The following ZNF560 variants were observed in gnomAD, a reference collection of about 807,000 sequenced individuals.
ZNF560 encodes zinc finger protein 560.
In ZNF560, 54 loss-of-function variants were observed where a neutral mutation model predicts 81.8. The ratio of observed to expected loss-of-function variants is 0.66; its 90% CI spans 0.53 to 0.83. The LOEUF is 0.83. Among genes scored for constraint, ZNF560 ranks in the 40% least tolerant of loss-of-function variants. ZNF560 has a pLI of 0.00. For synonymous variants in ZNF560, 321 were observed against 317.9 expected (o/e 1.01, Z -0.10); for missense variants, 940 against 932.4 (o/e 1.01, Z -0.11).
intron 7 of ZNF560, 132 bp downstream of exon 7, chr19:9,470,260 T>TA (rs201026789): frequency 9.0e-5 from 104 of 1,155,040 alleles, no homozygotes; most frequent in South Asian, 1.2e-4. Context: ...TTTTACTCAT[T>TA]AAAAAAAATT....
rs886984478 is a variant in ZNF560 at position 9,467,355 on chromosome 19, A to T, written c.1592T>A (p.Leu531His). 1 of 1,614,176 alleles carries T rather than the reference A, an allele frequency of 6.2e-7. No homozygotes were observed. The highest frequency in any genetic ancestry group is 1.7e-5 in the Admixed American group (1 of 60,018). ...TGTGTGAGTTCGCATGTGAATACGA[A>T]GACAGGCAGAAGAGGTAAATGGTTT... is the stretch of plus-strand genomic sequence containing the variant. ...CGKPFTSSACLRIHMRTHTEE... is the reference protein window; with the variant it reads ...CGKPFTSSACHRIHMRTHTEE... The change falls in exon 10 of 10, where the codon CTT becomes CAT. Residue 531 changes from leucine (L) to histidine (H), a missense_variant. Leu to His is a moderately conservative substitution (Grantham distance 99). Coordinates refer to ENST00000301480, the MANE Select transcript of ZNF560 (RefSeq NM_152476.3).
intron 2 of ZNF560, among the ~76,000 whole-genome samples, chr19:9,497,115 C>CA: frequency 1.4e-5 from 2 of 145,690 alleles, no homozygotes; most frequent in East Asian, 4.0e-4. Context: ...CATCCTGCCT[C>CA]AAAAAAACTC....
At chr19:9,496,998 G>C (rs187772777) in intron 2 of ZNF560, among the ~76,000 whole-genome samples, 1 of 151,836 alleles carries the variant, frequency 6.6e-6, no homozygotes, top group Non-Finnish European at 1.5e-5. Context: ...AGGACAGTAC[G>C]TTAAGTGAAA....
chr19:9,476,192 G>A (rs1020556950), intron 2 of ZNF560, among the ~76,000 whole-genome samples: 4 of 152,088 alleles, frequency 2.6e-5, no homozygotes, highest in Non-Finnish European at 5.9e-5. Flanking sequence ...ACATGTCAAG[G>A]GCAGAACCAG....
At chr19:9,461,517 G>A (rs899535140), downstream of ZNF560, among the ~76,000 whole-genome samples, 1 of 152,142 alleles carries the variant, frequency 6.6e-6, no homozygotes, top group Non-Finnish European at 1.5e-5. Flanking sequence ...AGCTACTGCT[G>A]CAGTAGCTGG....
upstream of ZNF560, among the ~76,000 whole-genome samples, chr19:9,503,066 C>A (rs1214659583): frequency 6.6e-6 from 1 of 151,938 alleles, no homozygotes; most frequent in African/African-American, 2.4e-5. Flanking sequence ...CTATAAATTT[C>A]CTACTGAGGC....
In ZNF560 at chr19:9,475,369, C is replaced by G. The variant is rs949019960; in HGVS notation, c.-56G>C. 1.6e-5 allele frequency: 25 copies of G among 1,582,696 alleles called. No individual in the cohort carries two copies. Among genetic ancestry groups the G allele is most frequent in the Non-Finnish European group, 6.9e-6 (8 of 1,155,170 alleles). On this transcript the variant is annotated splice_region_variant and 5_prime_UTR_variant, in exon 3 of 10. Transcript: ENST00000301480. ...AAGGCAGATTGGGTTCCTAGAAAGA[C>G]CTGGAAAAGAAAGAAGGCATAAGAG...
chr19:9,472,290 T>C (rs534484420), intron 5 of ZNF560, among the ~76,000 whole-genome samples: 1 of 152,200 alleles, frequency 6.6e-6, no homozygotes, highest in South Asian at 2.1e-4. Context: ...ATAAGTGAGT[T>C]CTTGTTCTGA....
chr19:9,490,389 C>A (rs951684132), intron 2 of ZNF560, among the ~76,000 whole-genome samples: 2 of 152,162 alleles, frequency 1.3e-5, no homozygotes, highest in Non-Finnish European at 2.9e-5. Flanking sequence ...GAGGCCACAT[C>A]GAATGTCAAG....
At chr19:9,464,392 A>G (rs1334196176), downstream of ZNF560, among the ~76,000 whole-genome samples, 1 of 152,188 alleles carries the variant, frequency 6.6e-6, no homozygotes, top group East Asian at 1.9e-4. Flanking sequence ...ACCTCTCTGC[A>G]CTGCCTGATA....
chr19:9,446,289 G>T, the ZNF560 span, among the ~76,000 whole-genome samples: 1 of 150,832 alleles, frequency 6.6e-6, no homozygotes, highest in Admixed American at 6.6e-5. Flanking sequence ...TGTCCAGGTG[G>T]GACATTCAGT....
rs1011161017 is a variant in ZNF560 at position 9,466,403 on chromosome 19, G to T, written c.*171C>A. ...TTCCTACATCCCTTACATTTACAGG[G>T]TTTCTCTACAGTGTGAGTTTGTACA... On this transcript the variant is annotated 3_prime_UTR_variant, in exon 10 of 10. Transcript: ENST00000301480. 3 of 588,698 alleles carry T rather than the reference G, an allele frequency of 5.1e-6. No individual in the cohort carries two copies. Among genetic ancestry groups the T allele is most frequent in the Non-Finnish European group, 8.6e-6 (3 of 346,984 alleles). 36.5% of individuals were successfully genotyped at this position (588,698 alleles called of 1,614,324 possible).
chr19:9,461,700 G>A (rs2072933878), downstream of ZNF560, among the ~76,000 whole-genome samples: 1 of 152,138 alleles, frequency 6.6e-6, no homozygotes, highest in Non-Finnish European at 1.5e-5. Flanking sequence ...TTGGAATATG[G>A]AATGCAGCTG....
At chr19:9,465,683 C>T (rs2073003890), downstream of ZNF560, among the ~76,000 whole-genome samples, 1 of 152,152 alleles carries the variant, frequency 6.6e-6, no homozygotes, top group Non-Finnish European at 1.5e-5. Context: ...AAGGATTTTC[C>T]TCATTCCTTA....
chr19:9,457,673 G>A, the ZNF560 span, among the ~76,000 whole-genome samples: 1 of 152,108 alleles, frequency 6.6e-6, no homozygotes, highest in Non-Finnish European at 1.5e-5. Context: ...ACGTCTACTT[G>A]GGGGCCTTAG....
chr19:9,475,242 T>C, intron 3 of ZNF560, 42 bp downstream of exon 3: 5 of 1,608,118 alleles, frequency 3.1e-6, no homozygotes, highest in Non-Finnish European at 4.3e-6. Context: ...TACCTGGTGA[T>C]GCAAGTATGT....
intron 2 of ZNF560, among the ~76,000 whole-genome samples, chr19:9,492,171 T>G (rs988199039): frequency 8.0e-5 from 12 of 150,724 alleles, no homozygotes. Context: ...CGTAGGGGGG[T>G]TGATTTTTTG....
At chr19:9,473,337 T>C (rs2073151549) in intron 4 of ZNF560, 78 bp from the exon 5 acceptor site, 2 of 1,104,490 alleles carry the variant, frequency 1.8e-6, no homozygotes, top group African/African-American at 1.6e-5. Context: ...TCCCAGCACT[T>C]TGGGAGGCTG....
chr19:9,469,125 T>G lies in ZNF560; in HGVS notation c.592A>C (p.Thr198Pro). 6.3e-7 allele frequency: 1 copy of G among 1,594,410 alleles called. No individual in the cohort carries two copies. The highest frequency in any genetic ancestry group is 1.1e-5 in the South Asian group (1 of 86,962). The part of the protein sequence containing the change: ...ALWQDNFCLK[T>P]LNGIQLARNQ... ...CTTACCAACTGTATCCCATTTAATG[T>G]TTTTAAACAAAAATTATCTTGCCAA... The change falls in exon 9 of 10, where the codon ACA (threonine) becomes CCA (proline). Residue 198 changes from threonine (T) to proline (P), a missense_variant. Thr to Pro is a conservative substitution (Grantham distance 38, BLOSUM62 -1). Transcript: ENST00000301480.
Sources: allele counts gnomAD v4.1 joint callset (sites outside exome capture counted in the v4.1 genomes callset), GRCh38; gene constraint gnomAD v4.1.1; transcripts MANE v1.5; gene names NCBI Gene and HGNC (gene_info 2026-07-23, HGNC 2026-07-21).